The following ITGB6 variants were observed in gnomAD, a reference collection of about 807,000 sequenced individuals.
ITGB6 encodes integrin subunit beta 6, also known as integrin beta-6.
Under a neutral mutation model 84.5 loss-of-function variants are expected in ITGB6, and 80 were observed. That is an observed-to-expected ratio of 0.95 (90% CI 0.79 to 1.14). The LOEUF is 1.14. ITGB6 is among the 50% of genes most tolerant of loss of function. The pLI, the probability that ITGB6 is intolerant of heterozygous loss-of-function variation, is 0.00. For synonymous variants in ITGB6, 383 were observed against 354.9 expected (o/e 1.08, Z -0.89); for missense variants, 1,006 against 968.0 (o/e 1.04, Z -0.52).
At chr2:160,120,593 A>G (rs1682986357) in intron 12 of ITGB6, among the ~76,000 whole-genome samples, 2 of 58,532 alleles carry the variant, frequency 3.4e-5, no homozygotes, top group South Asian at 8.9e-4. Flanking sequence ...GGTGCAGCGC[A>G]CCAGCATGGC....
intron 14 of ITGB6, among the ~76,000 whole-genome samples, chr2:160,107,094 T>C (rs1696939308): frequency 6.6e-6 from 1 of 152,198 alleles, no homozygotes; most frequent in African/African-American, 2.4e-5. Context: ...TTATTTCTGT[T>C]GAGTTTATGT....
Position 160,200,009 on chromosome 2 carries a change from C to T in ITGB6, c.55G>A (p.Val19Ile), listed in dbSNP as rs760097625. ...CAGAGAACGCAGGTCTTACCTTGTA[C>T]GTGATCATTCCTTCCTAGAAATAGA... ...FFLFLGRNDHVQGGCALGGAE... is the reference protein window; with the variant it reads ...FFLFLGRNDHIQGGCALGGAE... The change falls in exon 1 of 15, where the codon GTA becomes ATA. Residue 19 changes from valine (V) to isoleucine (I), a missense_variant. Physicochemically the swap from Val to Ile is conservative, Grantham distance 29. Coordinates refer to ENST00000283249, the MANE Select transcript of ITGB6 (RefSeq NM_000888.5). 32 of 1,612,800 alleles carry T rather than the reference C, an allele frequency of 2.0e-5. No homozygotes were observed. Among genetic ancestry groups the T allele is most frequent in the East Asian group, 2.2e-5 (1 of 44,844 alleles).
At chr2:160,179,986 G>A (rs1364017206) in intron 4 of ITGB6, among the ~76,000 whole-genome samples, 13 of 146,980 alleles carry the variant, frequency 8.8e-5, no homozygotes, top group African/African-American at 2.2e-4. Flanking sequence ...GGTGGCACAC[G>A]CCTGTAATCC....
intron 7 of ITGB6, among the ~76,000 whole-genome samples, chr2:160,151,201 C>T (rs562372717): frequency 3.3e-5 from 5 of 152,284 alleles, no homozygotes; most frequent in Admixed American, 6.5e-5. Flanking sequence ...GGAAGTAAAG[C>T]ACTCCTCAGC....
chr2:160,199,139 C>T lies in ITGB6; in HGVS notation c.141+40G>A, dbSNP rs145128379. The T allele has an allele frequency of 3.6e-4, 529 of 1,486,084 alleles. 1 individual carries two copies. Among genetic ancestry groups the T allele is most frequent in the Admixed American group, 7.5e-4 (45 of 59,746 alleles). The allele number at this position is 1,486,084 out of a possible 1,614,324, so 92.1% of individuals were successfully genotyped here. A position where few individuals can be genotyped will look rare whatever the true frequency, so the allele number is the denominator to read the frequency against. ...GAGGAAATTAACATGAATTTAACTG[C>T]AGACAGGTTTTAAAAACACATTGAG... On this transcript the variant is annotated intron_variant, in intron 2 of 14. Coordinates refer to ENST00000283249, the MANE Select transcript of ITGB6 (RefSeq NM_000888.5).
chr2:160,180,128 AC>A lies in ITGB6; in HGVS notation c.594-5990del, dbSNP rs139036098. ...AACTCCACCTCAAAAAAAAAAAAAA[AC>A]AAACAAAAAAAACAACCTTCAGAAT... On this transcript the variant is annotated intron_variant, in intron 4 of 14. Coordinates refer to ENST00000283249, the MANE Select transcript of ITGB6 (RefSeq NM_000888.5). 8.1e-5 allele frequency among the ~76,000 whole-genome samples: 12 copies of A among 148,842 alleles called. 1 individual carries two copies. Among genetic ancestry groups the A allele is most frequent in the South Asian group, 4.3e-4 (2 of 4,642 alleles).
intron 10 of ITGB6, among the ~76,000 whole-genome samples, chr2:160,127,123 C>A (rs930064306): frequency 6.6e-6 from 1 of 152,130 alleles, no homozygotes; most frequent in African/African-American, 2.4e-5. Flanking sequence ...AAGTATTTTA[C>A]CCCAAAATAT....
At chr2:160,123,954 T>C (rs2105798459) in intron 11 of ITGB6, 66 bp from the exon 12 acceptor site, 1 of 1,124,898 alleles carries the variant, frequency 8.9e-7, no homozygotes, top group Middle Eastern at 2.0e-4. Flanking sequence ...GCTTGAATAT[T>C]GCTTTACTGC....
rs139804091 is a variant in ITGB6, at chr2:160,112,101, T to G, written c.2080A>C (p.Ile694Leu). The change falls in exon 13 of 15, where the codon ATT becomes CTT. Residue 694 changes from isoleucine to leucine, a missense_variant. Coordinates refer to ENST00000283249, the MANE Select transcript of ITGB6 (RefSeq NM_000888.5). ...ITTDNEGKTI[I>L]HSINEKDCPK... The stretch of plus-strand genomic sequence containing the variant: ...CCACCTTTTTCATTGATGCTGTGAA[T>G]GATGGTTTTCCCCTCATTATCTGTA... 4 of 1,613,352 alleles carry G rather than the reference T, an allele frequency of 2.5e-6. No homozygotes were observed. The South Asian group carries it at 4.4e-5, about 18-fold the overall frequency.
intron 10 of ITGB6, among the ~76,000 whole-genome samples, chr2:160,136,222 C>T (rs1266568292): frequency 6.6e-6 from 1 of 152,084 alleles, no homozygotes; most frequent in Non-Finnish European, 1.5e-5. Flanking sequence ...AAAACAACCC[C>T]ATCAACAAGT....
At chr2:160,157,798 T>A (rs1684681513) in intron 7 of ITGB6, among the ~76,000 whole-genome samples, 1 of 150,712 alleles carries the variant, frequency 6.6e-6, no homozygotes, top group Non-Finnish European at 1.5e-5. Context: ...GTGCTATTTA[T>A]CTGGTCAAAG....
chr2:160,171,616 G>T (rs1016025611), intron 6 of ITGB6, among the ~76,000 whole-genome samples: 9 of 152,204 alleles, frequency 5.9e-5, no homozygotes, highest in African/African-American at 2.2e-4. Flanking sequence ...TTATAGGCGT[G>T]AGCCAACGTG....
At chr2:160,122,763 TA>T (rs1400004121) in intron 12 of ITGB6, among the ~76,000 whole-genome samples, 1 of 152,234 alleles carries the variant, frequency 6.6e-6, no homozygotes, top group Non-Finnish European at 1.5e-5. Context: ...GTTAGAACTC[TA>T]AATTTTCAGA....
At chr2:160,118,205 C>T (rs1479020269) in intron 12 of ITGB6, among the ~76,000 whole-genome samples, 1 of 151,974 alleles carries the variant, frequency 6.6e-6, no homozygotes, top group South Asian at 2.1e-4. Context: ...GGCAGAGAAA[C>T]AACAAAAAAA....
intron 2 of ITGB6, among the ~76,000 whole-genome samples, chr2:160,196,901 A>G (rs1200824855): frequency 6.6e-6 from 1 of 151,986 alleles, no homozygotes; most frequent in East Asian, 1.9e-4. Context: ...CAGGGTGTCA[A>G]TCCCCAAATC....
chr2:160,116,053 G>A (rs948914539), intron 12 of ITGB6, among the ~76,000 whole-genome samples: 4 of 147,354 alleles, frequency 2.7e-5, no homozygotes, highest in African/African-American at 1.0e-4. Context: ...ACCTGAAAGT[G>A]ACGGGGAGAA....
chr2:160,114,136 A>C (rs1172292008), intron 12 of ITGB6, among the ~76,000 whole-genome samples: 1 of 152,196 alleles, frequency 6.6e-6, no homozygotes, highest in Admixed American at 6.5e-5. Context: ...AGGGTTATTT[A>C]AGTGTTAATG....
At chr2:160,187,708 T>A (rs984424552) in intron 4 of ITGB6, among the ~76,000 whole-genome samples, 3 of 152,186 alleles carry the variant, frequency 2.0e-5, no homozygotes, top group Non-Finnish European at 4.4e-5. Context: ...TTGTTTTGTT[T>A]CAGAAAATAC....
At chr2:160,162,137 A>G (rs1204047196) in intron 7 of ITGB6, among the ~76,000 whole-genome samples, 10 of 152,212 alleles carry the variant, frequency 6.6e-5, no homozygotes. Context: ...TAAATTCTCT[A>G]TAAATGGCAG....
Sources: allele counts gnomAD v4.1 joint callset (sites outside exome capture counted in the v4.1 genomes callset), GRCh38; gene constraint gnomAD v4.1.1; transcripts MANE v1.5; gene names NCBI Gene and HGNC (gene_info 2026-07-23, HGNC 2026-07-21).